The following NWD2 variants were observed in gnomAD, a reference collection of about 807,000 sequenced individuals.
NWD2 encodes NACHT and WD repeat domain containing 2, also known as NACHT and WD repeat domain-containing protein 2.
Under a neutral mutation model 132.7 loss-of-function variants are expected in NWD2, and 37 were observed. The ratio of observed to expected loss-of-function variants is 0.28; its 90% CI spans 0.21 to 0.37. The LOEUF is 0.37. NWD2 is among the 10% of genes least tolerant of loss of function. The probability of loss-of-function intolerance (pLI) is 1.00; values close to 1 mark genes in which losing one functional copy is unlikely to be tolerated. For synonymous variants in NWD2, 705 were observed against 803.0 expected (o/e 0.88, Z 2.06); for missense variants, 1,592 against 2,122.4 (o/e 0.75, Z 4.91).
intron 1 of NWD2, among the ~76,000 whole-genome samples, chr4:37,294,580 G>A (rs903492779): frequency 3.9e-5 from 6 of 152,230 alleles, no homozygotes; most frequent in Admixed American, 2.0e-4. Flanking sequence ...TGTAGCTTCC[G>A]CCTTCTCTAT....
At chr4:37,395,060 G>A (rs558609926) in intron 3 of NWD2, among the ~76,000 whole-genome samples, 6 of 150,864 alleles carry the variant, frequency 4.0e-5, no homozygotes, top group Non-Finnish European at 8.9e-5. Flanking sequence ...TGATCCACCC[G>A]CCCCCCAATC....
intron 1 of NWD2, among the ~76,000 whole-genome samples, chr4:37,268,112 G>A (rs2109262084): frequency 6.6e-6 from 1 of 151,992 alleles, no homozygotes; most frequent in Non-Finnish European, 1.5e-5. Flanking sequence ...CTCACCACCT[G>A]TGGGATAAAG....
At chr4:37,423,443 G>A (rs1711882790) in intron 3 of NWD2, among the ~76,000 whole-genome samples, 1 of 152,150 alleles carries the variant, frequency 6.6e-6, no homozygotes, top group Non-Finnish European at 1.5e-5. Flanking sequence ...CCCATGATCT[G>A]CCATCTGCGG....
intron 1 of NWD2, among the ~76,000 whole-genome samples, chr4:37,281,120 G>C (rs539665458): frequency 1.3e-5 from 2 of 152,072 alleles, no homozygotes; most frequent in African/African-American, 4.8e-5. Flanking sequence ...ACAGTCCAAG[G>C]GGGGGACATG....
chr4:37,326,051 A>C (rs1719167687), intron 2 of NWD2, 27 bp downstream of exon 2: 2 of 1,327,616 alleles, frequency 1.5e-6, no homozygotes, highest in Admixed American at 2.0e-5. Context: ...TTTCATTCAC[A>C]GTTATGTCCA....
At position 37,433,992 on chromosome 4, in the gene NWD2, C is replaced by G; in HGVS notation, c.678C>G (p.His226Gln). The G allele has an allele frequency of 6.5e-7, 1 of 1,549,994 alleles. No individual in the cohort carries two copies. The highest frequency in any genetic ancestry group is 8.7e-7 in the Non-Finnish European group (1 of 1,145,990). ...TACACGAAAAGGGTAAAATGAAACACAGCCAGGCTAAGAGGTACCTGTTCT... is the reference window on the plus strand; with the variant it reads ...TACACGAAAAGGGTAAAATGAAACAGAGCCAGGCTAAGAGGTACCTGTTCT... ...KLLHEKGKMK[H>Q]SQAKRYLFSA... Residue 226 changes from histidine (H) to glutamine (Q), a missense_variant, in exon 5 of 7, where the codon CAC becomes CAG. Physicochemically the swap from His to Gln is conservative, Grantham distance 24 (BLOSUM62 0). Transcript: ENST00000309447.
At chr4:37,418,627 C>G (rs138922532) in intron 3 of NWD2, among the ~76,000 whole-genome samples, 1,129 of 67,838 alleles carry the variant, frequency 0.017, 19 homozygotes, top group African/African-American at 0.047. Flanking sequence ...TGTGATCTTT[C>G]TCCCAAAAAA....
intron 2 of NWD2, among the ~76,000 whole-genome samples, chr4:37,350,858 A>G (rs1719744656): frequency 1.3e-5 from 2 of 152,200 alleles, no homozygotes; most frequent in South Asian, 4.1e-4. Flanking sequence ...GATACATTCC[A>G]TCAATACCTA....
intron 3 of NWD2, among the ~76,000 whole-genome samples, chr4:37,369,659 T>C (rs971515042): frequency 1.3e-5 from 2 of 152,064 alleles, no homozygotes; most frequent in Non-Finnish European, 2.9e-5. Flanking sequence ...CTTTAAACAA[T>C]CAAGGAAGGA....
chr4:37,337,951 C>T (rs1273781907), intron 2 of NWD2, among the ~76,000 whole-genome samples: 1 of 152,216 alleles, frequency 6.6e-6, no homozygotes. Flanking sequence ...CAAGCTGCCA[C>T]TGTTCTGGTT....
At chr4:37,288,408 C>T (rs1288975494) in intron 1 of NWD2, among the ~76,000 whole-genome samples, 3 of 152,184 alleles carry the variant, frequency 2.0e-5, no homozygotes, top group Non-Finnish European at 1.5e-5. Context: ...TCTGCAAATG[C>T]CTCTTGTTCC....
chr4:37,327,641 T>C (rs1719200650), intron 2 of NWD2, among the ~76,000 whole-genome samples: 1 of 152,152 alleles, frequency 6.6e-6, no homozygotes, highest in Non-Finnish European at 1.5e-5. Flanking sequence ...AAGGTTACAT[T>C]TGCTTCCAAG....
chr4:37,371,251 A>AT (rs1480438486), intron 3 of NWD2, among the ~76,000 whole-genome samples: 1 of 151,450 alleles, frequency 6.6e-6, no homozygotes, highest in African/African-American at 2.4e-5. Flanking sequence ...CTAATTTTGT[A>AT]TTTTTAGTAG....
At chr4:37,305,863 G>T (rs545244153) in intron 1 of NWD2, among the ~76,000 whole-genome samples, 1 of 152,152 alleles carries the variant, frequency 6.6e-6, no homozygotes, top group African/African-American at 2.4e-5. Context: ...TTAATTAATA[G>T]AATTAATGTG....
intron 5 of NWD2, among the ~76,000 whole-genome samples, chr4:37,437,056 A>T (rs751351185): frequency 3.9e-5 from 6 of 152,188 alleles, no homozygotes; most frequent in Non-Finnish European, 7.3e-5. Flanking sequence ...CAAGAGTTCC[A>T]CCGAAAGGAA....
At chr4:37,367,858 A>T (rs979598592) in intron 3 of NWD2, among the ~76,000 whole-genome samples, 4 of 152,152 alleles carry the variant, frequency 2.6e-5, no homozygotes, top group African/African-American at 7.2e-5. Context: ...AGTAAGGGAT[A>T]AGAGCCAGGA....
At chr4:37,261,284 C>T (rs1374215165) in intron 1 of NWD2, among the ~76,000 whole-genome samples, 1 of 152,010 alleles carries the variant, frequency 6.6e-6, no homozygotes, top group Non-Finnish European at 1.5e-5. Flanking sequence ...TCTTTGTTGC[C>T]CACTCAATAG....
intron 3 of NWD2, among the ~76,000 whole-genome samples, chr4:37,365,190 T>C (rs1720072094): frequency 6.6e-6 from 1 of 152,230 alleles, no homozygotes; most frequent in Non-Finnish European, 1.5e-5. Context: ...AATTACAGTA[T>C]TTTTAAAATC....
chr4:37,335,784 G>A (rs1160126198), intron 2 of NWD2, among the ~76,000 whole-genome samples: 1 of 150,796 alleles, frequency 6.6e-6, no homozygotes, highest in Non-Finnish European at 1.5e-5. Context: ...CTACCTCTGT[G>A]GAAAAGTTGT....
Sources: gnomAD v4.1 joint callset for allele counts (sites outside exome capture counted in the v4.1 genomes callset) on GRCh38, gnomAD v4.1.1 for gene constraint, MANE v1.5 for transcripts, NCBI Gene and HGNC (gene_info 2026-07-23, HGNC 2026-07-21) for gene names.